SRRM4: variants seen among roughly 807,000 people sequenced by gnomAD.
The protein encoded by SRRM4 is serine/arginine repetitive matrix protein 4.
SRRM4 carries 33 observed loss-of-function variants against 68.9 expected under a neutral mutation model. That is an observed-to-expected ratio of 0.48 (90% CI 0.36 to 0.64). SRRM4 has a LOEUF of 0.64. Ranked by LOEUF, SRRM4 falls within the 30% of genes least tolerant of loss-of-function variation. The probability of loss-of-function intolerance (pLI) is 0.00; values close to 1 mark genes in which losing one functional copy is unlikely to be tolerated. For missense variants in SRRM4, 817 were observed against 827.1 expected, an observed-to-expected ratio of 0.99 and a Z score of 0.15; for synonymous variants, 318 against 318.8, an observed-to-expected ratio of 1.00 and a Z score of 0.03.
chr12:119,046,085 A>C (rs745797818), intron 1 of SRRM4, among the ~76,000 whole-genome samples: 2 of 151,822 alleles, frequency 1.3e-5, no homozygotes, highest in Admixed American at 6.6e-5. Context: ...TATTATTAAC[A>C]ATCCCAGCGA....
intron 1 of SRRM4, among the ~76,000 whole-genome samples, chr12:119,044,756 G>C (rs544639659): frequency 6.6e-6 from 1 of 152,198 alleles, no homozygotes; most frequent in South Asian, 2.1e-4. Flanking sequence ...CACATACAAA[G>C]TGCTTGATAT....
At chr12:119,114,983 T>C (rs531268881) in intron 3 of SRRM4, among the ~76,000 whole-genome samples, 2 of 151,890 alleles carry the variant, frequency 1.3e-5, no homozygotes, top group Non-Finnish European at 2.9e-5. Context: ...GTCTTTAGCA[T>C]GAATATTGAA....
chr12:119,052,654 G>C (rs1484929967), intron 1 of SRRM4, among the ~76,000 whole-genome samples: 1 of 151,892 alleles, frequency 6.6e-6, no homozygotes, highest in Non-Finnish European at 1.5e-5. Flanking sequence ...TCAGCCTCCC[G>C]AGTAGCTGGG....
rs1954462966 is a variant in SRRM4, at chr12:119,154,916, G to A, written c.1532+533G>A. The stretch of plus-strand genomic sequence containing the variant: ...TGCTTAGTTCCCAAAGGGACCTAGA[G>A]GGAGCCACGGTGGATAAGCCGGAGA... On this transcript the variant is annotated intron_variant, in intron 12 of 12. Coordinates refer to ENST00000267260, the MANE Select transcript of SRRM4 (RefSeq NM_194286.4). This position sits in a 1 kb window ranked among gnomAD's most constrained non-coding sequence, Gnocchi z 4.7. 1.3e-5 allele frequency among the ~76,000 whole-genome samples: 2 copies of A among 152,332 alleles called. No homozygotes were observed. Among genetic ancestry groups the A allele is most frequent in the Admixed American group, 1.3e-4 (2 of 15,304 alleles).
In SRRM4 at chr12:119,156,943, G is replaced by A; in HGVS notation, c.*145G>A. On this transcript the variant is annotated 3_prime_UTR_variant, in exon 13 of 13. Transcript: ENST00000267260. The stretch of plus-strand genomic sequence containing the variant: ...TTGCCTAGGGGAAGAGGAGAAGAGG[G>A]TAAGGGGGCTTCACTCTCTAGATCA... 7.7e-6 allele frequency: 8 copies of A among 1,045,406 alleles called. No homozygotes were observed. Among genetic ancestry groups the A allele is most frequent in the Non-Finnish European group, 1.1e-5 (8 of 744,800 alleles). The allele number at this position is 1,045,406 out of a possible 1,614,324, so 64.8% of individuals were successfully genotyped here.
intron 1 of SRRM4, among the ~76,000 whole-genome samples, chr12:119,060,270 C>A (rs1267104733): frequency 6.6e-6 from 1 of 151,390 alleles, no homozygotes; most frequent in South Asian, 2.1e-4. Context: ...TTACTCACTT[C>A]GGTGGACAGA....
rs1954183771 is a variant in SRRM4 at position 119,116,923 on chromosome 12, C to A, written c.366-14C>A. On this transcript the variant is annotated splice_polypyrimidine_tract_variant and intron_variant, in intron 3 of 12. Transcript: ENST00000267260. Reference sequence around the variant, plus strand: ...AGAGCCTCCTTCTGAAATGTGTCTTCTTGGCCCTGGCAGGTCCTCATCCTA... The same window carrying A: ...AGAGCCTCCTTCTGAAATGTGTCTTATTGGCCCTGGCAGGTCCTCATCCTA... The A allele has an allele frequency of 1.2e-6, 2 of 1,613,144 alleles. No individual in the cohort carries two copies. Among genetic ancestry groups the A allele is most frequent in the East Asian group, 4.5e-5 (2 of 44,844 alleles).
At chr12:119,029,167 A>G (rs1953570117) in intron 1 of SRRM4, among the ~76,000 whole-genome samples, 1 of 152,238 alleles carries the variant, frequency 6.6e-6, no homozygotes, top group Non-Finnish European at 1.5e-5. Context: ...AAGAAGGAGA[A>G]GCATGGCTTA....
intron 1 of SRRM4, among the ~76,000 whole-genome samples, chr12:119,073,401 C>A (rs188654449): frequency 6.6e-6 from 1 of 150,460 alleles, no homozygotes; most frequent in East Asian, 2.0e-4. Flanking sequence ...GATCATGGCT[C>A]ACTGCAACCT....
Position 119,102,217 on chromosome 12 carries a change from C to A in SRRM4, c.132-19C>A. The A allele has an allele frequency of 6.3e-7, 1 of 1,599,426 alleles. No individual in the cohort carries two copies. Among genetic ancestry groups the A allele is most frequent in the South Asian group, 1.1e-5 (1 of 89,714 alleles). ...CTGTATATTCTAACACTTTTGTGTC[C>A]TTATTTCTTCTTCTGTAGGACAGAG... is the stretch of plus-strand genomic sequence containing the variant. On this transcript the variant is annotated intron_variant, in intron 1 of 12. Coordinates refer to ENST00000267260, the MANE Select transcript of SRRM4 (RefSeq NM_194286.4).
chr12:119,009,726 C>T (rs1194120559), intron 1 of SRRM4, among the ~76,000 whole-genome samples: 2 of 152,162 alleles, frequency 1.3e-5, no homozygotes, highest in East Asian at 1.9e-4. Context: ...CCACTGAGTG[C>T]CTGCTGTATA....
chr12:119,093,024 A>G (rs1381638225), intron 1 of SRRM4, among the ~76,000 whole-genome samples: 1 of 152,152 alleles, frequency 6.6e-6, no homozygotes, highest in Admixed American at 6.5e-5. Flanking sequence ...TCTCCTGGGC[A>G]TGCTCAAGGC....
chr12:118,988,480 T>A (rs1196504875), intron 1 of SRRM4, among the ~76,000 whole-genome samples: 1 of 152,226 alleles, frequency 6.6e-6, no homozygotes, highest in Non-Finnish European at 1.5e-5. Flanking sequence ...TTAGGCTTCT[T>A]GTCCTTCATG....
At chr12:119,026,191 C>G (rs1953547112) in intron 1 of SRRM4, among the ~76,000 whole-genome samples, 1 of 151,952 alleles carries the variant, frequency 6.6e-6, no homozygotes, top group African/African-American at 2.4e-5. Flanking sequence ...AAAAAAATCA[C>G]TCTGTGGCTG....
chr12:118,994,466 C>T (rs1032517548), intron 1 of SRRM4, among the ~76,000 whole-genome samples: 1 of 152,178 alleles, frequency 6.6e-6, no homozygotes, highest in African/African-American at 2.4e-5. Context: ...ACTACCCCTA[C>T]TCTAGTTCTT....
At chr12:118,986,292 G>A (rs867802028) in intron 1 of SRRM4, among the ~76,000 whole-genome samples, 4 of 152,150 alleles carry the variant, frequency 2.6e-5, no homozygotes, top group East Asian at 1.9e-4. Context: ...TTGCCCTGGC[G>A]GTGAATGAGC....
chr12:119,072,077 A>G (rs1329934554), intron 1 of SRRM4, among the ~76,000 whole-genome samples: 1 of 152,240 alleles, frequency 6.6e-6, no homozygotes. Flanking sequence ...CATCTGTGTA[A>G]TAGGTACTAA....
intron 1 of SRRM4, among the ~76,000 whole-genome samples, chr12:119,011,173 G>C (rs1953446553): frequency 6.6e-6 from 1 of 152,048 alleles, no homozygotes; most frequent in African/African-American, 2.4e-5. Flanking sequence ...TCCTGTGTTA[G>C]TTATGTATAC....
At position 119,108,484 on chromosome 12, in the gene SRRM4, T is replaced by C. The variant is rs1954120927; in HGVS notation, c.279-5794T>C. On this transcript the variant is annotated intron_variant, in intron 2 of 12. Transcript: ENST00000267260. Reference sequence around the variant, plus strand: ...TGTATGTCTCTAAGGACTTGCTTTTTGAATCTGGGTGCTCCTGTATTGGGT... The same window carrying C: ...TGTATGTCTCTAAGGACTTGCTTTTCGAATCTGGGTGCTCCTGTATTGGGT... Among the ~76,000 whole-genome samples, 3 of 152,238 alleles carry C rather than the reference T, an allele frequency of 2.0e-5. No homozygotes were observed. The South Asian group carries it at 6.2e-4, about 31-fold the overall frequency.
Sources: allele counts gnomAD v4.1 joint callset (sites outside exome capture counted in the v4.1 genomes callset), GRCh38; gene constraint gnomAD v4.1.1; non-coding constraint Gnocchi (gnomAD v3.1); transcripts MANE v1.5; gene names NCBI Gene and HGNC (gene_info 2026-07-23, HGNC 2026-07-21).